The following SLC26A7 variants were observed in gnomAD, a reference collection of about 807,000 sequenced individuals.
The protein encoded by SLC26A7 is anion exchange transporter.
Under a neutral mutation model 82.5 loss-of-function variants are expected in SLC26A7, and 59 were observed. That is an observed-to-expected ratio of 0.72 (90% CI 0.58 to 0.89). SLC26A7 has a LOEUF of 0.89. Ranked by LOEUF, SLC26A7 falls within the 40% of genes least tolerant of loss-of-function variation. SLC26A7 has a pLI of 0.00. For synonymous variants in SLC26A7, 271 were observed against 274.3 expected (o/e 0.99, Z 0.12); for missense variants, 820 against 793.0 (o/e 1.03, Z -0.41).
At chr8:91,300,986 C>T (rs1812150706) in intron 4 of SLC26A7, among the ~76,000 whole-genome samples, 1 of 152,180 alleles carries the variant, frequency 6.6e-6, no homozygotes, top group Non-Finnish European at 1.5e-5. Flanking sequence ...GCCTCTTCAG[C>T]ATCTATAGAA....
intron 2 of SLC26A7, among the ~76,000 whole-genome samples, chr8:91,252,905 T>C (rs1345610204): frequency 1.3e-5 from 2 of 151,972 alleles, no homozygotes; most frequent in African/African-American, 4.8e-5. Context: ...CCAAGGCAAA[T>C]TTGGAAGCTA....
intron 9 of SLC26A7, among the ~76,000 whole-genome samples, chr8:91,346,476 A>G (rs1279496520): frequency 1.3e-5 from 2 of 152,194 alleles, no homozygotes; most frequent in Non-Finnish European, 2.9e-5. Context: ...TCTCTTAGGT[A>G]CTAAATTTAT....
chr8:91,333,100 A>G (rs1024384284), intron 5 of SLC26A7, among the ~76,000 whole-genome samples: 1 of 152,126 alleles, frequency 6.6e-6, no homozygotes. Flanking sequence ...ATCTCACCCT[A>G]TCTTTTTTGT....
chr8:91,291,790 A>G (rs950659092), intron 3 of SLC26A7, among the ~76,000 whole-genome samples: 5 of 152,256 alleles, frequency 3.3e-5, no homozygotes, highest in African/African-American at 9.6e-5. Context: ...CTTGATAAAT[A>G]ATATGCATTT....
intron 2 of SLC26A7, among the ~76,000 whole-genome samples, chr8:91,221,359 T>C (rs576801297): frequency 6.6e-6 from 1 of 152,164 alleles, no homozygotes; most frequent in South Asian, 2.1e-4. Flanking sequence ...GCTGTGCTTC[T>C]AGAAGCTCTT....
At chr8:91,334,497 T>A in intron 6 of SLC26A7, 50 bp downstream of exon 6, 1 of 1,531,202 alleles carries the variant, frequency 6.5e-7, no homozygotes, top group Non-Finnish European at 8.9e-7. Flanking sequence ...GCTTTCCAGT[T>A]CTTGGGGAGA....
intron 13 of SLC26A7, among the ~76,000 whole-genome samples, chr8:91,364,025 A>G (rs966675465): frequency 6.6e-6 from 1 of 151,654 alleles, no homozygotes; most frequent in Non-Finnish European, 1.5e-5. Context: ...CAGAATGCCA[A>G]TAGAATTGGT....
chr8:91,332,243 TAATTATATATTA>T (rs1283991751), intron 5 of SLC26A7, among the ~76,000 whole-genome samples: 2 of 144,042 alleles, frequency 1.4e-5, no homozygotes, highest in East Asian at 3.9e-4. Context: ...AATTAATATT[TAATTATATATTA>T]AATTTATAAT....
At chr8:91,330,534 G>A (rs1813051871) in intron 5 of SLC26A7, among the ~76,000 whole-genome samples, 3 of 152,056 alleles carry the variant, frequency 2.0e-5, no homozygotes, top group Admixed American at 2.0e-4. Flanking sequence ...AAAAAGTTAG[G>A]CTACTATAAG....
intron 2 of SLC26A7, among the ~76,000 whole-genome samples, chr8:91,273,845 T>C (rs1455347970): frequency 6.6e-6 from 1 of 152,222 alleles, no homozygotes; most frequent in African/African-American, 2.4e-5. Flanking sequence ...ATCCTATAAA[T>C]TGCACATATA....
intron 9 of SLC26A7, chr8:91,343,894 T>C (rs941202052): frequency 4.8e-6 from 2 of 414,286 alleles, no homozygotes; most frequent in African/African-American, 4.3e-5. Context: ...TATAAATGAA[T>C]AATAAGATAT....
At chr8:91,228,836 T>C (rs954585233) in intron 2 of SLC26A7, among the ~76,000 whole-genome samples, 3 of 152,200 alleles carry the variant, frequency 2.0e-5, no homozygotes, top group African/African-American at 7.2e-5. Flanking sequence ...TTAAAATGTT[T>C]TAAAACCGAC....
chr8:91,278,850 A>G (rs1427012500), intron 2 of SLC26A7, among the ~76,000 whole-genome samples: 2 of 151,796 alleles, frequency 1.3e-5, no homozygotes, highest in Non-Finnish European at 2.9e-5. Context: ...TTTTGAACTT[A>G]TTTCTCCTAA....
chr8:91,346,882 C>T (rs1467131247), intron 9 of SLC26A7, among the ~76,000 whole-genome samples: 1 of 152,146 alleles, frequency 6.6e-6, no homozygotes, highest in East Asian at 1.9e-4. Context: ...CTTTCCCTTC[C>T]TCTCTATGTG....
intron 2 of SLC26A7, among the ~76,000 whole-genome samples, chr8:91,264,301 T>A (rs1811050113): frequency 6.6e-6 from 1 of 152,000 alleles, no homozygotes; most frequent in African/African-American, 2.4e-5. Context: ...CCAGAATCAC[T>A]GGGAGAAAAA....
chr8:91,321,504 C>T (rs1812789442), intron 5 of SLC26A7, among the ~76,000 whole-genome samples: 1 of 152,124 alleles, frequency 6.6e-6, no homozygotes, highest in African/African-American at 2.4e-5. Context: ...AAGGCTTTCC[C>T]CTAGAACTTT....
chr8:91,276,794 G>T lies in SLC26A7; in HGVS notation c.194-12342G>T, dbSNP rs10101694. 3.3e-5 allele frequency among the ~76,000 whole-genome samples: 5 copies of T among 152,028 alleles called. No homozygotes were observed. In the East Asian group the frequency reaches 9.7e-4, roughly 29 times the overall value. On this transcript the variant is annotated intron_variant, in intron 2 of 18. Coordinates refer to ENST00000276609, the MANE Select transcript of SLC26A7 (RefSeq NM_052832.4). ...TTTAAAATGCACTTCATCTTATCAC[G>T]TGCTTCCTTCCATATCACAGAAACT...
intron 8 of SLC26A7, among the ~76,000 whole-genome samples, chr8:91,341,510 C>T (rs148751565): frequency 1.1e-4 from 16 of 152,188 alleles, no homozygotes; most frequent in Non-Finnish European, 1.9e-4. Context: ...CATTCTCACA[C>T]TATGTGACCT....
chr8:91,362,385 A>G lies in SLC26A7; in HGVS notation c.1347A>G (p.Ile449Met). The G allele has an allele frequency of 6.2e-7, 1 of 1,613,328 alleles. No homozygotes were observed. Among genetic ancestry groups the G allele is most frequent in the Non-Finnish European group, 8.5e-7 (1 of 1,179,394 alleles). ...GGGTCAGTACATATGTATTTACAATATGCTTTGCTGCCAATGTGGGACTGC... is the reference window on the plus strand; with the variant it reads ...GGGTCAGTACATATGTATTTACAATGTGCTTTGCTGCCAATGTGGGACTGC... ...GIWVSTYVFT[I>M]CFAANVGLLF... Residue 449 changes from isoleucine (I) to methionine (M), a missense_variant, in exon 12 of 19, where the codon ATA (isoleucine) becomes ATG (methionine). Transcript: ENST00000276609.
Sources: allele counts gnomAD v4.1 joint callset (sites outside exome capture counted in the v4.1 genomes callset), GRCh38; gene constraint gnomAD v4.1.1; transcripts MANE v1.5; gene names NCBI Gene and HGNC (gene_info 2026-07-23, HGNC 2026-07-21).